The following GPHB5 variants were observed in gnomAD, a reference collection of about 807,000 sequenced individuals.
GPHB5 encodes glycoprotein hormone beta-5.
Under a neutral mutation model 10.1 loss-of-function variants are expected in GPHB5, and 7 were observed. The observed-to-expected ratio is 0.69, with a 90% CI of 0.39 to 1.30. The LOEUF is 1.30. Ranked by LOEUF, GPHB5 falls within the 50% of genes most tolerant of loss-of-function variation. GPHB5 has a pLI of 0.01. For missense variants in GPHB5, 161 were observed against 169.8 expected (o/e 0.95, Z 0.29); for synonymous variants, 68 against 70.1 (o/e 0.97, Z 0.15).
chr14:63,312,881 G>C lies in GPHB5; in HGVS notation c.*47C>G. Reference sequence around the variant, plus strand: ...AGTCTTGCATCCAGGAAGTATAACTGCATGTGCTGCTCACACAGGTGGGTC... The same window carrying C: ...AGTCTTGCATCCAGGAAGTATAACTCCATGTGCTGCTCACACAGGTGGGTC... On this transcript the variant is annotated 3_prime_UTR_variant, in exon 3 of 3. Coordinates refer to ENST00000621500, the MANE Select transcript of GPHB5 (RefSeq NM_145171.4). The C allele has an allele frequency of 6.7e-7, 1 of 1,503,644 alleles. No individual in the cohort carries two copies. The highest frequency in any genetic ancestry group is 1.2e-5 in the South Asian group (1 of 80,006). The allele number at this position is 1,503,644 out of a possible 1,614,324, so 93.1% of individuals were successfully genotyped here. A position where few individuals can be genotyped will look rare whatever the true frequency, so the allele number is the denominator to read the frequency against.
In GPHB5 at chr14:63,317,838, T is replaced by C; in HGVS notation, c.12A>G (p.Ala4=). MKL[A]FLFLGPMALL... ...GGGCCATGGGGCCAAGGAAGAGGAA[T>C]GCCAGCTTCATGCTGCTCTTCCGGA... Residue 4 remains alanine (A), a synonymous_variant, in exon 2 of 3, where the codon GCA becomes GCG. Coordinates refer to ENST00000621500, the MANE Select transcript of GPHB5 (RefSeq NM_145171.4). 2 of 1,614,038 alleles carry C rather than the reference T, an allele frequency of 1.2e-6. 1 individual carries two copies. Among genetic ancestry groups the C allele is most frequent in the Middle Eastern group, 3.3e-4 (2 of 6,062 alleles).
intron 2 of GPHB5, among the ~76,000 whole-genome samples, chr14:63,315,674 C>T (rs1053080536): frequency 6.6e-6 from 1 of 152,076 alleles, no homozygotes; most frequent in Admixed American, 6.5e-5. Context: ...CAGTTAAGAT[C>T]CCCCCCACCA....
At chr14:63,317,570 A>C in intron 2 of GPHB5, 76 bp downstream of exon 2, 1 of 1,414,252 alleles carries the variant, frequency 7.1e-7, no homozygotes, top group African/African-American at 1.4e-5. Context: ...ATATCATTTA[A>C]AAAGTGAACT....
In GPHB5 at chr14:63,317,777, C is replaced by T; in HGVS notation, c.73G>A (p.Ala25Thr). The change falls in exon 2 of 3, where the codon GCC becomes ACC. Residue 25 changes from alanine (A) to threonine (T), a missense_variant. Physicochemically the swap from Ala to Thr is moderately conservative, Grantham distance 58 (BLOSUM62 0). Transcript: ENST00000621500. ...AAGGTGCGCAGGTTCCCACTGGAGGCACCGAGGACACAGCCATAGCCAGCC... is the reference window on the plus strand; with the variant it reads ...AAGGTGCGCAGGTTCCCACTGGAGGTACCGAGGACACAGCCATAGCCAGCC... Reference protein sequence around the residue: ...LLAGYGCVLGASSGNLRTFVG... With the variant: ...LLAGYGCVLGTSSGNLRTFVG... The T allele has an allele frequency of 1.9e-6, 3 of 1,614,032 alleles. No individual in the cohort carries two copies. Among genetic ancestry groups the T allele is most frequent in the Non-Finnish European group, 2.5e-6 (3 of 1,179,900 alleles).
At chr14:63,314,476 A>G (rs533955190) in intron 2 of GPHB5, among the ~76,000 whole-genome samples, 16 of 148,744 alleles carry the variant, frequency 1.1e-4, no homozygotes, top group Non-Finnish European at 2.2e-4. Flanking sequence ...GCTGGAGTTC[A>G]GTGGCGCAAT....
chr14:63,317,808 G>C lies in GPHB5; in HGVS notation c.42C>G (p.Leu14=). Residue 14 remains leucine (L), a synonymous_variant, in exon 2 of 3, where the codon CTC becomes CTG. Coordinates refer to ENST00000621500, the MANE Select transcript of GPHB5 (RefSeq NM_145171.4). ...GGACACAGCCATAGCCAGCCAGAAG[G>C]AGGAGGGCCATGGGGCCAAGGAAGA... ...AFLFLGPMAL[L]LLAGYGCVLG... is the part of the protein sequence containing the mutation. 1 of 1,614,078 alleles carries C rather than the reference G, an allele frequency of 6.2e-7. No homozygotes were observed. The highest frequency in any genetic ancestry group is 1.3e-5 in the African/African-American group (1 of 75,072).
At chr14:63,316,837 C>G (rs1882779384) in intron 2 of GPHB5, among the ~76,000 whole-genome samples, 1 of 152,062 alleles carries the variant, frequency 6.6e-6, no homozygotes, top group Admixed American at 6.6e-5. Context: ...GTTTTTGGGC[C>G]AGGGAGTGAC....
chr14:63,316,622 A>G (rs1203798911), intron 2 of GPHB5, among the ~76,000 whole-genome samples: 1 of 152,214 alleles, frequency 6.6e-6, no homozygotes, highest in Non-Finnish European at 1.5e-5. Flanking sequence ...AGGAATAAAT[A>G]TGATAATGAC....
chr14:63,316,896 G>A (rs1166168311), intron 2 of GPHB5, among the ~76,000 whole-genome samples: 3 of 152,152 alleles, frequency 2.0e-5, no homozygotes, highest in Non-Finnish European at 4.4e-5. Flanking sequence ...AGGCCTCAGG[G>A]GGAAGAGCCC....
At chr14:63,313,460 A>T (rs1429760808) in intron 2 of GPHB5, among the ~76,000 whole-genome samples, 1 of 152,186 alleles carries the variant, frequency 6.6e-6, no homozygotes, top group African/African-American at 2.4e-5. Flanking sequence ...GATCCTGTTT[A>T]AACCTAAGTC....
chr14:63,313,596 C>T (rs1882712832), intron 2 of GPHB5, among the ~76,000 whole-genome samples: 1 of 152,156 alleles, frequency 6.6e-6, no homozygotes, highest in African/African-American at 2.4e-5. Flanking sequence ...TTCTGAAATG[C>T]CTGCAACCAT....
chr14:63,312,910 A>G lies in GPHB5; in HGVS notation c.*18T>C, dbSNP rs1463268609. 9 of 1,549,332 alleles carry G rather than the reference A, an allele frequency of 5.8e-6. No homozygotes were observed. The highest frequency in any genetic ancestry group is 7.0e-6 in the Non-Finnish European group (8 of 1,145,580). Reference sequence around the variant, plus strand: ...GTGCTGCTCACACAGGTGGGTCTGCAGAGAGCAGCTAGCGGCCTCAGATGG... The same window carrying G: ...GTGCTGCTCACACAGGTGGGTCTGCGGAGAGCAGCTAGCGGCCTCAGATGG... On this transcript the variant is annotated 3_prime_UTR_variant, in exon 3 of 3. Coordinates refer to ENST00000621500, the MANE Select transcript of GPHB5 (RefSeq NM_145171.4).
chr14:63,313,753 C>A (rs1223473178), intron 2 of GPHB5, among the ~76,000 whole-genome samples: 1 of 152,142 alleles, frequency 6.6e-6, no homozygotes, highest in Admixed American at 6.5e-5. Flanking sequence ...ACTCTTTCAC[C>A]AACCTTGGGT....
intron 1 of GPHB5, among the ~76,000 whole-genome samples, chr14:63,318,216 C>T (rs1882807456): frequency 1.3e-5 from 2 of 152,184 alleles, no homozygotes; most frequent in Non-Finnish European, 2.9e-5. Context: ...CAACAGAATA[C>T]ATGAATACAT....
intron 2 of GPHB5, among the ~76,000 whole-genome samples, chr14:63,314,426 A>ATT (rs11304179): frequency 0.02 from 2,937 of 144,018 alleles, 87 homozygotes; most frequent in African/African-American, 0.061. Flanking sequence ...AATGCAATCC[A>ATT]TTTTTTTTTT....
At chr14:63,317,542 A>G in intron 2 of GPHB5, 104 bp downstream of exon 2, 7 of 1,069,770 alleles carry the variant, frequency 6.5e-6, no homozygotes, top group Non-Finnish European at 9.4e-6. Context: ...GAAAGGGCAG[A>G]TGTCCCAGCT....
At chr14:63,316,680 T>C (rs760264402) in intron 2 of GPHB5, among the ~76,000 whole-genome samples, 3 of 152,174 alleles carry the variant, frequency 2.0e-5, no homozygotes, top group Non-Finnish European at 4.4e-5. Flanking sequence ...ATGAGATCCA[T>C]AAGGGCTATT....
intron 2 of GPHB5, among the ~76,000 whole-genome samples, chr14:63,315,407 C>G (rs534175185): frequency 1.3e-4 from 20 of 152,166 alleles, no homozygotes; most frequent in Non-Finnish European, 2.8e-4. Context: ...ATGAGACAGA[C>G]AGACTTACGC....
chr14:63,318,227 A>T (rs1386336560), intron 1 of GPHB5, among the ~76,000 whole-genome samples: 1 of 152,244 alleles, frequency 6.6e-6, no homozygotes, highest in Non-Finnish European at 1.5e-5. Flanking sequence ...ATGAATACAT[A>T]TAAATTATTT....
Sources: gnomAD v4.1 joint callset for allele counts (sites outside exome capture counted in the v4.1 genomes callset) on GRCh38, gnomAD v4.1.1 for gene constraint, MANE v1.5 for transcripts, NCBI Gene and HGNC (gene_info 2026-07-23, HGNC 2026-07-21) for gene names.